The following SGCD variants were observed in gnomAD, a reference collection of about 807,000 sequenced individuals.
The protein encoded by SGCD is delta-sarcoglycan.
Under a neutral mutation model 36.6 loss-of-function variants are expected in SGCD, and 18 were observed. The ratio of observed to expected loss-of-function variants is 0.49; its 90% CI spans 0.34 to 0.73. The LOEUF (loss-of-function observed/expected upper bound fraction) is 0.73. SGCD is among the 30% of genes least tolerant of loss of function. The pLI, the probability that SGCD is intolerant of heterozygous loss-of-function variation, is 0.01. For synonymous variants in SGCD, 133 were observed against 130.6 expected, an observed-to-expected ratio of 1.02 and a Z score of -0.12; for missense variants, 387 against 346.7, an observed-to-expected ratio of 1.12 and a Z score of -0.92.
At chr5:156,503,837 G>A (rs968551763) in intron 3 of SGCD, among the ~76,000 whole-genome samples, 5 of 152,136 alleles carry the variant, frequency 3.3e-5, no homozygotes, top group African/African-American at 1.2e-4. Context: ...AAATCACCAA[G>A]GAAAACTTTA....
intron 7 of SGCD, among the ~76,000 whole-genome samples, chr5:156,654,985 A>G (rs1167374913): frequency 6.6e-6 from 1 of 152,194 alleles, no homozygotes; most frequent in Admixed American, 6.5e-5. Context: ...GGACTTTAAC[A>G]GAAAAGCTAT....
At chr5:155,810,228 T>C in the SGCD span, among the ~76,000 whole-genome samples, 1 of 152,220 alleles carries the variant, frequency 6.6e-6, no homozygotes, top group Admixed American at 6.5e-5. Flanking sequence ...TAAATATGTG[T>C]TTCTCTACTT....
chr5:156,262,861 T>C (rs1472241555), intron 3 of SGCD, among the ~76,000 whole-genome samples: 2 of 152,034 alleles, frequency 1.3e-5, no homozygotes, highest in Admixed American at 6.6e-5. Flanking sequence ...GTGAATGCCA[T>C]TATTTTGTTT....
intron 3 of SGCD, among the ~76,000 whole-genome samples, chr5:156,383,499 A>G (rs1771108751): frequency 6.6e-6 from 1 of 152,048 alleles, no homozygotes; most frequent in African/African-American, 2.4e-5. Flanking sequence ...GTGAGGCTCC[A>G]TCTCTTAAAA....
intron 1 of SGCD, among the ~76,000 whole-genome samples, chr5:156,024,106 C>T (rs1036465969): frequency 2.0e-5 from 3 of 152,046 alleles, no homozygotes; most frequent in Non-Finnish European, 4.4e-5. Context: ...AGGATGGCAG[C>T]GTAAGTATCG....
At chr5:156,437,087 A>C (rs1753277118) in intron 3 of SGCD, among the ~76,000 whole-genome samples, 1 of 152,234 alleles carries the variant, frequency 6.6e-6, no homozygotes, top group African/African-American at 2.4e-5. Context: ...TATCCTTTAA[A>C]ATAACTTTTA....
chr5:156,081,863 G>A (rs1418407315), intron 1 of SGCD, among the ~76,000 whole-genome samples: 2 of 152,188 alleles, frequency 1.3e-5, no homozygotes, highest in African/African-American at 2.4e-5. Context: ...AAATCACAGA[G>A]TGATTGCCCC....
intron 3 of SGCD, among the ~76,000 whole-genome samples, chr5:156,230,082 C>A (rs1764977302): frequency 6.6e-6 from 1 of 152,172 alleles, no homozygotes; most frequent in East Asian, 1.9e-4. Flanking sequence ...CTTTTTATAA[C>A]TTCCTTACAT....
At chr5:155,826,938 T>C in the SGCD span, among the ~76,000 whole-genome samples, 1 of 152,238 alleles carries the variant, frequency 6.6e-6, no homozygotes, top group Non-Finnish European at 1.5e-5. Context: ...GATACTGCTC[T>C]ATACGTGCTC....
chr5:156,305,584 C>G (rs1007392683), intron 3 of SGCD, among the ~76,000 whole-genome samples: 1 of 152,128 alleles, frequency 6.6e-6, no homozygotes, highest in Admixed American at 6.5e-5. Context: ...GGGGTCAGAG[C>G]CCCCACACAG....
rs182121087 is a variant in SGCD at position 156,035,903 on chromosome 5, G to A, written c.-281-81975G>A. 2.0e-5 allele frequency among the ~76,000 whole-genome samples: 3 copies of A among 152,260 alleles called. No individual in the cohort carries two copies. The East Asian group carries it at 5.8e-4, about 29-fold the overall frequency. On this transcript the variant is annotated intron_variant, in intron 1 of 9. Coordinates refer to the SGCD transcript ENST00000517913. Reference sequence around the variant, plus strand: ...TTTAGGAATAGTGATACCATCACAAGAAAAATTGCAGAACTGTTATAACTC... The same window carrying A: ...TTTAGGAATAGTGATACCATCACAAAAAAAATTGCAGAACTGTTATAACTC...
At chr5:156,241,624 A>G (rs894721467) in intron 3 of SGCD, among the ~76,000 whole-genome samples, 2 of 152,046 alleles carry the variant, frequency 1.3e-5, no homozygotes, top group Non-Finnish European at 2.9e-5. Flanking sequence ...TTATGGCATC[A>G]TTTATTTTTA....
At chr5:155,897,741 C>T (rs1756298665) in intron 1 of SGCD, among the ~76,000 whole-genome samples, 1 of 151,966 alleles carries the variant, frequency 6.6e-6, no homozygotes, top group Non-Finnish European at 1.5e-5. Flanking sequence ...TTGGCCTACA[C>T]AGGATCAAAA....
the SGCD span, among the ~76,000 whole-genome samples, chr5:155,770,039 G>C: frequency 6.6e-6 from 1 of 151,648 alleles, no homozygotes; most frequent in East Asian, 1.9e-4. Flanking sequence ...TCATGTTATA[G>C]TTATGGTGAT....
intron 1 of SGCD, among the ~76,000 whole-genome samples, chr5:155,938,492 C>T (rs892702482): frequency 6.6e-6 from 1 of 152,204 alleles, no homozygotes; most frequent in African/African-American, 2.4e-5. Flanking sequence ...TCATTAATCA[C>T]CCTGTCCTTT....
intron 3 of SGCD, among the ~76,000 whole-genome samples, chr5:156,214,755 G>C (rs910495711): frequency 2.0e-5 from 3 of 151,964 alleles, no homozygotes; most frequent in African/African-American, 7.2e-5. Context: ...CAGACACATA[G>C]ACCAATGGAA....
In SGCD at chr5:156,763,972, C is replaced by T. The variant is rs977137427; in HGVS notation, c.*4582C>T. The stretch of plus-strand genomic sequence containing the variant: ...GACCAAAAAGGTAAATAGATCCATT[C>T]CAGCACCTGATACTGATTTTTCAAG... On this transcript the variant is annotated 3_prime_UTR_variant, in exon 9 of 9. Transcript: ENST00000337851. 1 of 152,034 alleles carries T rather than the reference C, an allele frequency of 6.6e-6. No individual in the cohort carries two copies. Among genetic ancestry groups the T allele is most frequent in the Non-Finnish European group, 1.5e-5 (1 of 68,014 alleles). 9.4% of individuals were successfully genotyped at this position (152,034 alleles called of 1,614,324 possible). A position where few individuals can be genotyped will look rare whatever the true frequency, so the allele number is the denominator to read the frequency against.
At chr5:156,228,846 GTGATGGT>G (rs1330751142) in intron 3 of SGCD, among the ~76,000 whole-genome samples, 1 of 152,054 alleles carries the variant, frequency 6.6e-6, no homozygotes, top group Admixed American at 6.6e-5. Context: ...TAGTGGTGGT[GTGATGGT>G]TAATACTGTC....
intron 1 of SGCD, among the ~76,000 whole-genome samples, chr5:155,967,391 T>G (rs1757922417): frequency 6.6e-5 from 10 of 152,064 alleles, no homozygotes. Flanking sequence ...AGGTGTTGTA[T>G]TCTTCCAGTC....
Sources: allele counts gnomAD v4.1 joint callset (sites outside exome capture counted in the v4.1 genomes callset), GRCh38; gene constraint gnomAD v4.1.1; transcripts MANE v1.5; gene names NCBI Gene and HGNC (gene_info 2026-07-23, HGNC 2026-07-21).